MON1B: variants seen among roughly 807,000 people sequenced by gnomAD.
MON1B encodes vacuolar fusion protein MON1 homolog B.
MON1B carries 26 observed loss-of-function variants against 45.1 expected under a neutral mutation model. The ratio of observed to expected loss-of-function variants is 0.58; its 90% CI spans 0.42 to 0.80. The LOEUF (loss-of-function observed/expected upper bound fraction) is 0.80, where lower values mean the gene tolerates loss of function less well. MON1B is among the 30% of genes least tolerant of loss of function. The pLI is 0.00. For synonymous variants in MON1B, 395 were observed against 320.2 expected (o/e 1.23, Z -2.49); for missense variants, 737 against 754.5 (o/e 0.98, Z 0.27).
In MON1B at chr16:77,195,143, C is replaced by A; in HGVS notation, c.1284C>A (p.Pro428=). ...TCCCTGACCACCACCGCCAACTGCC[C>A]CAGTTTACCAGGTAGGCCCTGACCC... ...LDIPDHHRQL[P]QFTSPELEAP... Residue 428 remains proline (P), a synonymous_variant, in exon 4 of 6, where the codon CCC becomes CCA. Transcript: ENST00000248248. 6.3e-7 allele frequency: 1 copy of A among 1,592,686 alleles called. No homozygotes were observed. The highest frequency in any genetic ancestry group is 2.2e-5 in the East Asian group (1 of 44,646).
Position 77,194,696 on chromosome 16 carries a change from A to C in MON1B, c.837A>C (p.Ala279=). ...TAPGLALSVL[A]VGGRLITAAQ... The stretch of plus-strand genomic sequence containing the variant: ...CTGGCCTGGCGCTGTCAGTGCTGGC[A>C]GTAGGCGGTCGACTTATAACAGCAG... The change falls in exon 4 of 6, where the codon GCA becomes GCC. Residue 279 remains alanine (A), a synonymous_variant. Coordinates refer to ENST00000248248, the MANE Select transcript of MON1B (RefSeq NM_014940.4). The surrounding 1 kb of genome is among the most constrained non-coding windows in gnomAD (Gnocchi z 8.1). 1.9e-6 allele frequency: 3 copies of C among 1,613,916 alleles called. No individual in the cohort carries two copies. The highest frequency in any genetic ancestry group is 4.5e-5 in the East Asian group (2 of 44,842).
chr16:77,194,927 A>T lies in MON1B; in HGVS notation c.1068A>T (p.Gln356His), dbSNP rs778480802. The T allele has an allele frequency of 2.5e-6, 4 of 1,613,654 alleles. No homozygotes were observed. The highest frequency in any genetic ancestry group is 3.4e-6 in the Non-Finnish European group (4 of 1,179,982). The change falls in exon 4 of 6, where the codon CAA becomes CAT. Residue 356 changes from glutamine to histidine, a missense_variant. Transcript: ENST00000248248. The surrounding 1 kb of genome is among the most constrained non-coding windows in gnomAD (Gnocchi z 8.1). ...MPVCLLLLGT[Q>H]REAFHAMAAC... ...TCTGCCTGCTGCTGCTTGGCACCCA[A>T]CGTGAAGCCTTCCATGCCATGGCCG...
rs943863132 is a variant in MON1B at position 77,199,331 on chromosome 16, A to G, written c.*1023A>G. On this transcript the variant is annotated 3_prime_UTR_variant, in exon 6 of 6. Coordinates refer to ENST00000248248, the MANE Select transcript of MON1B (RefSeq NM_014940.4). ...TGCGCCTGCCCAGAGCTGACTCCTG[A>G]TTTAACCGCTGGCGTAACCGCGGGT... 1.5e-4 allele frequency: 145 copies of G among 959,028 alleles called. No individual in the cohort carries two copies. The highest frequency in any genetic ancestry group is 4.7e-5 in the Admixed American group (2 of 42,952). 59.4% of individuals were successfully genotyped at this position (959,028 alleles called of 1,614,324 possible).
Position 77,191,571 on chromosome 16 carries a change from G to C in MON1B, c.86G>C (p.Arg29Thr). The change falls in exon 2 of 6, where the codon AGA becomes ACA. Residue 29 changes from arginine (R) to threonine (T), a missense_variant. Coordinates refer to ENST00000248248, the MANE Select transcript of MON1B (RefSeq NM_014940.4). ...EDTQFPSEEA[R>T]EGGGVHAVPP... is the part of the protein sequence containing the mutation. ...ACGCAGTTCCCCAGTGAGGAAGCTA[G>C]AGAAGGTGGAGGGGTTCACGCGGTC... 6.2e-7 allele frequency: 1 copy of C among 1,609,726 alleles called. No homozygotes were observed. The highest frequency in any genetic ancestry group is 8.5e-7 in the Non-Finnish European group (1 of 1,178,894).
At position 77,198,335 on chromosome 16, in the gene MON1B, G is replaced by A. The variant is rs768918558; in HGVS notation, c.*27G>A. On this transcript the variant is annotated 3_prime_UTR_variant, in exon 6 of 6. Coordinates refer to ENST00000248248, the MANE Select transcript of MON1B (RefSeq NM_014940.4). ...AGTTGGAGCTCCCAGACCAGGCAGT[G>A]CTGGGAGCAACCACCTTTGTTTTTT... 6 of 1,600,530 alleles carry A rather than the reference G, an allele frequency of 3.7e-6. No individual in the cohort carries two copies. Among genetic ancestry groups the A allele is most frequent in the Non-Finnish European group, 5.1e-6 (6 of 1,167,726 alleles).
rs150353408 is a variant in MON1B at position 77,198,290 on chromosome 16, C to T, written c.1626C>T (p.Gly542=). The change falls in exon 6 of 6, where the codon GGC becomes GGT. Residue 542 remains glycine (G), a synonymous_variant. Coordinates refer to ENST00000248248, the MANE Select transcript of MON1B (RefSeq NM_014940.4). The stretch of plus-strand genomic sequence containing the variant: ...CTACGGACCAAGCTGCCCATAATGG[C>T]TTGTTCACTGGACTCTGATAGTTGG... ...ATSTDQAAHN[G]LFTGL 2.4e-5 allele frequency: 38 copies of T among 1,614,066 alleles called. No homozygotes were observed. The highest frequency in any genetic ancestry group is 3.2e-5 in the Non-Finnish European group (38 of 1,180,020).
chr16:77,193,855 G>C lies in MON1B; in HGVS notation c.475+78G>C. 1 of 1,444,934 alleles carries C rather than the reference G, an allele frequency of 6.9e-7. No homozygotes were observed. 89.5% of individuals were successfully genotyped at this position (1,444,934 alleles called of 1,614,324 possible). Reference sequence around the variant, plus strand: ...GGCACGGGTAGGTCTGTCTGCCTCAGGCACTATCCAGCCAGCCAGGGTTGG... The same window carrying C: ...GGCACGGGTAGGTCTGTCTGCCTCACGCACTATCCAGCCAGCCAGGGTTGG... On this transcript the variant is annotated intron_variant, in intron 3 of 5. Coordinates refer to ENST00000248248, the MANE Select transcript of MON1B (RefSeq NM_014940.4). The surrounding 1 kb of genome is among the most constrained non-coding windows in gnomAD (Gnocchi z 5.0).
chr16:77,194,661 T>G lies in MON1B; in HGVS notation c.802T>G (p.Cys268Gly), dbSNP rs764782277. Reference sequence around the variant, plus strand: ...CGCACTAGGTGCGCTCCTCCGACGTTGCACAGCGCCTGGCCTGGCGCTGTC... The same window carrying G: ...CGCACTAGGTGCGCTCCTCCGACGTGGCACAGCGCCTGGCCTGGCGCTGTC... ...RDALGALLRR[C>G]TAPGLALSVL... Residue 268 changes from cysteine to glycine, a missense_variant, in exon 4 of 6, where the codon TGC becomes GGC. By Grantham distance (159) the Cys-to-Gly change is radical (BLOSUM62 -3). Transcript: ENST00000248248. The surrounding 1 kb of genome is among the most constrained non-coding windows in gnomAD (Gnocchi z 8.1). 3.2e-5 allele frequency: 51 copies of G among 1,613,854 alleles called. No homozygotes were observed. The Middle Eastern group carries it at 4.9e-4, about 16-fold the overall frequency.
chr16:77,197,007 C>G (rs2054671511), intron 5 of MON1B, among the ~76,000 whole-genome samples: 1 of 152,182 alleles, frequency 6.6e-6, no homozygotes, highest in Non-Finnish European at 1.5e-5. Flanking sequence ...ACTTGACTTT[C>G]TCTATTCCAG....
chr16:77,201,925 G>A lies in MON1B; in HGVS notation c.*3617G>A, dbSNP rs1283678930. The A allele has an allele frequency of 2.6e-5, 4 of 152,092 alleles. No individual in the cohort carries two copies. The highest frequency in any genetic ancestry group is 6.5e-5 in the Admixed American group (1 of 15,274). The allele number at this position is 152,092 out of a possible 1,614,324, so 9.4% of individuals were successfully genotyped here. ...TTGGGATTGAAACAAAAATGGAGGG[G>A]GGTATAGCCCTGTGTATGTTGCACA... On this transcript the variant is annotated 3_prime_UTR_variant, in exon 6 of 6. Transcript: ENST00000248248.
intron 4 of MON1B, 103 bp downstream of exon 4, chr16:77,195,257 T>A: frequency 1.7e-6 from 2 of 1,203,054 alleles, no homozygotes; most frequent in Non-Finnish European, 2.3e-6. Flanking sequence ...CAGCCATGCT[T>A]AAGAAAGAGG....
At position 77,198,130 on chromosome 16, in the gene MON1B, A is replaced by G. The variant is rs2054685753; in HGVS notation, c.1466A>G (p.Tyr489Cys). ...CAGGTGACCTCCAAATTCGAGCTCT[A>G]TACCTGCCTCAGCCCTCTGGTGACC... is the stretch of plus-strand genomic sequence containing the variant. The part of the protein sequence containing the change: ...LAWVTSKFEL[Y>C]TCLSPLVTKA... The change falls in exon 6 of 6, where the codon TAT becomes TGT. Residue 489 changes from tyrosine (Y) to cysteine (C), a missense_variant. By Grantham distance (194) the Tyr-to-Cys change is radical (BLOSUM62 -2). Transcript: ENST00000248248. 3 of 1,614,048 alleles carry G rather than the reference A, an allele frequency of 1.9e-6. No individual in the cohort carries two copies. The highest frequency in any genetic ancestry group is 2.5e-6 in the Non-Finnish European group (3 of 1,180,004).
Position 77,194,804 on chromosome 16 carries a change from C to T in MON1B, c.945C>T (p.Ala315=), listed in dbSNP as rs752824490. 2 of 1,613,454 alleles carry T rather than the reference C, an allele frequency of 1.2e-6. No individual in the cohort carries two copies. The highest frequency in any genetic ancestry group is 2.2e-5 in the South Asian group (2 of 91,084). The change falls in exon 4 of 6, where the codon GCC becomes GCT. Residue 315 remains alanine, a synonymous_variant. Coordinates refer to ENST00000248248, the MANE Select transcript of MON1B (RefSeq NM_014940.4). This position sits in a 1 kb window ranked among gnomAD's most constrained non-coding sequence, Gnocchi z 8.1. ...QLLLDWVGAP[A]FAAGEAWAPV... is the part of the protein sequence containing the mutation. Reference sequence around the variant, plus strand: ...TGCTCGACTGGGTGGGTGCACCAGCCTTTGCGGCGGGTGAGGCTTGGGCAC... The same window carrying T: ...TGCTCGACTGGGTGGGTGCACCAGCTTTTGCGGCGGGTGAGGCTTGGGCAC...
Position 77,194,657 on chromosome 16 carries a change from A to G in MON1B, c.798A>G (p.Arg266=). 1 of 1,613,780 alleles carries G rather than the reference A, an allele frequency of 6.2e-7. No homozygotes were observed. Among genetic ancestry groups the G allele is most frequent in the South Asian group, 1.1e-5 (1 of 91,064 alleles). ...GAGACGCACTAGGTGCGCTCCTCCG[A>G]CGTTGCACAGCGCCTGGCCTGGCGC... ...PLRDALGALL[R]RCTAPGLALS... Residue 266 remains arginine (R), a synonymous_variant, in exon 4 of 6, where the codon CGA becomes CGG. Coordinates refer to ENST00000248248, the MANE Select transcript of MON1B (RefSeq NM_014940.4). This position sits in a 1 kb window ranked among gnomAD's most constrained non-coding sequence, Gnocchi z 8.1.
rs1490631939 is a variant in MON1B at position 77,193,225 on chromosome 16, T to C, written c.149-226T>C. On this transcript the variant is annotated intron_variant, in intron 2 of 5. Transcript: ENST00000248248. This position sits in a 1 kb window ranked among gnomAD's most constrained non-coding sequence, Gnocchi z 5.0. ...CAGTGGAATAACAATGAGAATATGT[T>C]GGTTTATTAGGGTTTTAGGAAGTTC... Among the ~76,000 whole-genome samples, 1 of 152,058 alleles carries C rather than the reference T, an allele frequency of 6.6e-6. No individual in the cohort carries two copies. Among genetic ancestry groups the C allele is most frequent in the African/African-American group, 2.4e-5 (1 of 41,392 alleles).
At position 77,201,522 on chromosome 16, in the gene MON1B, CAAAGT is replaced by C. The variant is rs2054742895; in HGVS notation, c.*3219_*3223del. On this transcript the variant is annotated 3_prime_UTR_variant, in exon 6 of 6. Coordinates refer to ENST00000248248, the MANE Select transcript of MON1B (RefSeq NM_014940.4). The stretch of plus-strand genomic sequence containing the variant: ...CCTGCCTCAGGGAAGAGAGCTGACT[CAAAGT>C]AAAGGCTTTGCTAGAGGCAGTCGGC... The C allele has an allele frequency of 6.6e-6, 1 of 152,302 alleles. No individual in the cohort carries two copies. The highest frequency in any genetic ancestry group is 1.5e-5 in the Non-Finnish European group (1 of 68,024). 9.4% of individuals were successfully genotyped at this position (152,302 alleles called of 1,614,324 possible). A position where few individuals can be genotyped will look rare whatever the true frequency, so the allele number is the denominator to read the frequency against.
At chr16:77,191,326 G>GC in intron 1 of MON1B, 68 bp downstream of exon 1, 1 of 1,545,686 alleles carries the variant, frequency 6.5e-7, no homozygotes, top group Non-Finnish European at 8.8e-7. Context: ...TTGGAGGGGG[G>GC]ACGTATTTGG....
Position 77,198,900 on chromosome 16 carries a change from C to A in MON1B, c.*592C>A, listed in dbSNP as rs983030246. 2 of 162,864 alleles carry A rather than the reference C, an allele frequency of 1.2e-5. No homozygotes were observed. Among genetic ancestry groups the A allele is most frequent in the Non-Finnish European group, 2.7e-5 (2 of 73,522 alleles). 10.1% of individuals were successfully genotyped at this position (162,864 alleles called of 1,614,324 possible). ...CTGCTAACATTAATGAGAAGGTGGC[C>A]TTCAGTGTCCACCTGTGGAACCCAG... On this transcript the variant is annotated 3_prime_UTR_variant, in exon 6 of 6. Coordinates refer to ENST00000248248, the MANE Select transcript of MON1B (RefSeq NM_014940.4).
chr16:77,202,157 G>T lies in MON1B; in HGVS notation c.*3849G>T, dbSNP rs190591636. The T allele has an allele frequency of 2.0e-5, 3 of 152,152 alleles. No individual in the cohort carries two copies. The highest frequency in any genetic ancestry group is 7.2e-5 in the African/African-American group (3 of 41,422). 9.4% of individuals were successfully genotyped at this position (152,152 alleles called of 1,614,324 possible). A position where few individuals can be genotyped will look rare whatever the true frequency, so the allele number is the denominator to read the frequency against. ...CACCTGAGGATCCTATATTCATATT[G>T]GATCAGTATTAACATCCAGGTTTTG... On this transcript the variant is annotated 3_prime_UTR_variant, in exon 6 of 6. Transcript: ENST00000248248.
Sources: gnomAD v4.1 joint callset for allele counts (sites outside exome capture counted in the v4.1 genomes callset) on GRCh38, gnomAD v4.1.1 for gene constraint, Gnocchi (gnomAD v3.1) non-coding constraint, MANE v1.5 for transcripts, NCBI Gene and HGNC (gene_info 2026-07-23, HGNC 2026-07-21) for gene names.